DISC1: variants seen among roughly 807,000 people sequenced by gnomAD.
DISC1 encodes disrupted in schizophrenia 1 protein.
In DISC1, 57 loss-of-function variants were observed where a neutral mutation model predicts 84.5. That is an observed-to-expected ratio of 0.67 (90% CI 0.55 to 0.84). DISC1 has a LOEUF of 0.84. Among genes scored for constraint, DISC1 ranks in the 40% least tolerant of loss-of-function variants. The probability of loss-of-function intolerance (pLI) is 0.00; values close to 1 mark genes in which losing one functional copy is unlikely to be tolerated. For missense variants in DISC1, 1,000 were observed against 1,057.8 expected (o/e 0.95, Z 0.76); for synonymous variants, 411 against 415.2 (o/e 0.99, Z 0.12).
chr1:231,762,891 A>G (rs562182540), intron 4 of DISC1, among the ~76,000 whole-genome samples: 2 of 152,280 alleles, frequency 1.3e-5, no homozygotes, highest in Admixed American at 6.5e-5. Flanking sequence ...TTTTGTTATC[A>G]TCATCACTGT....
intron 7 of DISC1, among the ~76,000 whole-genome samples, chr1:231,798,819 A>T (rs890635407): frequency 6.6e-6 from 1 of 152,184 alleles, no homozygotes; most frequent in Non-Finnish European, 1.5e-5. Flanking sequence ...CAGCCACTGA[A>T]TAGAACATAT....
intron 3 of DISC1, among the ~76,000 whole-genome samples, chr1:231,738,397 G>A (rs2793098): frequency 0.66 from 99,610 of 152,060 alleles, 34,671 homozygotes; most frequent in Non-Finnish European, 0.78. Context: ...GTACTCAATC[G>A]TTCTCTGTCT....
chr1:231,946,397 G>A (rs1266582973), intron 9 of DISC1, among the ~76,000 whole-genome samples: 3 of 152,078 alleles, frequency 2.0e-5, no homozygotes, highest in South Asian at 2.1e-4. Flanking sequence ...AAAGGCCTTC[G>A]ACAAAATTCA....
rs577138359 is a variant in DISC1, at chr1:231,632,720, A to G, written c.67+5786A>G. Among the ~76,000 whole-genome samples, 3 of 152,322 alleles carry G rather than the reference A, an allele frequency of 2.0e-5. No individual in the cohort carries two copies. The East Asian group carries it at 5.8e-4, about 29-fold the overall frequency. ...TCTGTATAATTCATCCCTGCTTAAG[A>G]TACATTAAATGAATTGAACTGAATC... is the stretch of plus-strand genomic sequence containing the variant. On this transcript the variant is annotated intron_variant, in intron 1 of 12. Transcript: ENST00000439617.
intron 9 of DISC1, among the ~76,000 whole-genome samples, chr1:231,923,043 C>T (rs1332120938): frequency 6.6e-6 from 1 of 151,880 alleles, no homozygotes; most frequent in Admixed American, 6.6e-5. Context: ...TGTGGGAGGC[C>T]GAGGCGGGCA....
intron 1 of DISC1, among the ~76,000 whole-genome samples, chr1:231,664,035 T>TGTCTATCC (rs1553299088): frequency 7.9e-6 from 1 of 127,368 alleles, no homozygotes; most frequent in South Asian, 2.8e-4. Flanking sequence ...TCTATCCATC[T>TGTCTATCC]ATCTATCCAT....
intron 8 of DISC1, 80 bp from the exon 9 acceptor site, chr1:231,818,249 A>C (rs1348836537): frequency 7.1e-7 from 1 of 1,411,806 alleles, no homozygotes; most frequent in African/African-American, 1.4e-5. Context: ...GTGAATGTAC[A>C]TTAGCTGCTG....
chr1:231,703,728 C>G (rs1320550743), intron 3 of DISC1, among the ~76,000 whole-genome samples: 1 of 152,204 alleles, frequency 6.6e-6, no homozygotes, highest in Admixed American at 6.5e-5. Context: ...TGAGAGGATA[C>G]ACCTCATCAG....
At chr1:231,865,587 C>T (rs373057231) in intron 9 of DISC1, among the ~76,000 whole-genome samples, 1 of 152,176 alleles carries the variant, frequency 6.6e-6, no homozygotes, top group Non-Finnish European at 1.5e-5. Flanking sequence ...TTGGCCACAC[C>T]CATTAAATAA....
At chr1:231,939,412 C>G (rs2091170067) in intron 9 of DISC1, among the ~76,000 whole-genome samples, 1 of 152,190 alleles carries the variant, frequency 6.6e-6, no homozygotes, top group Non-Finnish European at 1.5e-5. Context: ...TTCCTAACAA[C>G]CCACCTTTCT....
rs369315072 is a variant in DISC1, at chr1:231,694,353, C to A, written c.595C>A (p.Pro199Thr). The A allele has an allele frequency of 1.1e-5, 17 of 1,614,250 alleles. No individual in the cohort carries two copies. The highest frequency in any genetic ancestry group is 1.4e-5 in the Non-Finnish European group (17 of 1,180,048). The change falls in exon 2 of 13, where the codon CCT (proline) becomes ACT (threonine). Residue 199 changes from proline to threonine, a missense_variant. Around this residue, in one of 3 missense-constraint regions of DISC1, gnomAD observed 292 missense variants for 280.2 expected, o/e 1.04. Transcript: ENST00000439617. ...CTGTGGCCCTGAGGTCCCCCCAACC[C>A]CTCCTGGCTCTCACAGTGCCTTTAC... is the stretch of plus-strand genomic sequence containing the variant. ...PGCGPEVPPT[P>T]PGSHSAFTSS...
At chr1:231,816,757 G>GT (rs2081030095) in intron 8 of DISC1, among the ~76,000 whole-genome samples, 3 of 152,086 alleles carry the variant, frequency 2.0e-5, no homozygotes, top group Admixed American at 6.6e-5. Flanking sequence ...CCATCGATCT[G>GT]TTTGTCTATG....
chr1:231,644,552 A>G (rs1438948682), intron 1 of DISC1, among the ~76,000 whole-genome samples: 1 of 152,176 alleles, frequency 6.6e-6, no homozygotes, highest in Admixed American at 6.5e-5. Flanking sequence ...GTGAGTTGGA[A>G]CATCAGCAAC....
At chr1:231,886,865 C>CTTTCTTTTCTTT (rs1558692658) in intron 9 of DISC1, among the ~76,000 whole-genome samples, 5 of 65,402 alleles carry the variant, frequency 7.6e-5, no homozygotes, top group Non-Finnish European at 1.5e-4. Flanking sequence ...TCTTTTCTTT[C>CTTTCTTTTCTTT]CTTTTTTTTT....
chr1:231,921,604 G>A (rs2090017799), intron 9 of DISC1, among the ~76,000 whole-genome samples: 1 of 151,906 alleles, frequency 6.6e-6, no homozygotes. Flanking sequence ...AAACAAGTTG[G>A]GATCCTCACT....
At chr1:231,943,576 CAGG>C (rs2126137981) in intron 9 of DISC1, among the ~76,000 whole-genome samples, 1 of 152,228 alleles carries the variant, frequency 6.6e-6, no homozygotes, top group Non-Finnish European at 1.5e-5. Flanking sequence ...GGTGTGCTCA[CAGG>C]TTAGTTGTTT....
At chr1:231,909,771 G>A (rs748052670) in intron 9 of DISC1, among the ~76,000 whole-genome samples, 2 of 152,028 alleles carry the variant, frequency 1.3e-5, no homozygotes, top group Non-Finnish European at 2.9e-5. Flanking sequence ...CTCTTTGTAC[G>A]TCTCGTAGAA....
At chr1:231,818,280 G>A (rs2081231362) in intron 8 of DISC1, 49 bp from the exon 9 acceptor site, 1 of 1,574,392 alleles carries the variant, frequency 6.4e-7, no homozygotes, top group Admixed American at 1.7e-5. Flanking sequence ...CATGTGTGTG[G>A]ATGCTGTAAA....
intron 1 of DISC1, among the ~76,000 whole-genome samples, chr1:231,667,035 G>A (rs2062088530): frequency 6.6e-6 from 1 of 152,150 alleles, no homozygotes; most frequent in South Asian, 2.1e-4. Context: ...TAAACCAGCT[G>A]GCTTCCCTGC....
Sources: gnomAD v4.1 joint callset for allele counts (sites outside exome capture counted in the v4.1 genomes callset) on GRCh38, gnomAD v4.1.1 for gene constraint, gnomAD v4.1.1 regional missense constraint, MANE v1.5 for transcripts, NCBI Gene and HGNC (gene_info 2026-07-23, HGNC 2026-07-21) for gene names.